NLGN4X: variants seen among roughly 807,000 people sequenced by gnomAD.
The protein encoded by NLGN4X is neuroligin 4 X-linked.
Under a neutral mutation model 40.3 loss-of-function variants are expected in NLGN4X, and 3 were observed. The ratio of observed to expected loss-of-function variants is 0.07; its 90% CI spans 0.03 to 0.19. The LOEUF is 0.19. Ranked by LOEUF, NLGN4X falls within the 10% of genes least tolerant of loss-of-function variation. The probability of loss-of-function intolerance (pLI) is 1.00; values close to 1 mark genes in which losing one functional copy is unlikely to be tolerated. For missense variants in NLGN4X, 382 were observed against 708.3 expected (o/e 0.54, Z 5.23); for synonymous variants, 270 against 306.8 (o/e 0.88, Z 1.25).
chrX:6,082,917 G>C (rs1427691165), intron 2 of NLGN4X, among the ~76,000 whole-genome samples: 1 of 106,876 alleles, frequency 9.4e-6, no homozygotes, highest in African/African-American at 3.4e-5. Flanking sequence ...GGTTTTCCCA[G>C]GTGGTAAAAA....
chrX:6,103,634 G>C (rs1362533870), intron 2 of NLGN4X, among the ~76,000 whole-genome samples: 1 of 111,544 alleles, frequency 9.0e-6, no homozygotes, highest in Non-Finnish European at 1.9e-5. Context: ...ACCATCATTT[G>C]GATATTCTAC....
intron 2 of NLGN4X, among the ~76,000 whole-genome samples, chrX:6,033,057 C>T (rs1033598526): frequency 5.4e-5 from 6 of 110,396 alleles, no homozygotes; most frequent in Middle Eastern, 4.7e-3. Flanking sequence ...AAAATGCTAA[C>T]GTGAGTTGTT....
intron 2 of NLGN4X, among the ~76,000 whole-genome samples, chrX:6,098,026 G>A (rs1219031982): frequency 1.8e-5 from 2 of 112,836 alleles, no homozygotes; most frequent in African/African-American, 6.4e-5. Flanking sequence ...GCGATGGCTC[G>A]CACCTGGAAT....
At chrX:6,114,267 A>G (rs1311764963) in intron 2 of NLGN4X, among the ~76,000 whole-genome samples, 2 of 112,005 alleles carry the variant, frequency 1.8e-5, no homozygotes, top group African/African-American at 6.5e-5. Context: ...GAAAAGACTT[A>G]GTAGGATATT....
At chrX:6,222,434 A>C (rs1925795638) in intron 1 of NLGN4X, among the ~76,000 whole-genome samples, 2 of 111,980 alleles carry the variant, frequency 1.8e-5, no homozygotes, top group Non-Finnish European at 1.9e-5. Flanking sequence ...TGATTTCTTT[A>C]TATAATATAC....
At chrX:6,190,255 C>G (rs1479455129) in intron 1 of NLGN4X, among the ~76,000 whole-genome samples, 1 of 111,439 alleles carries the variant, frequency 9.0e-6, no homozygotes, top group Non-Finnish European at 1.9e-5. Context: ...ATGACCTTGA[C>G]AATCTTCTAG....
intron 2 of NLGN4X, among the ~76,000 whole-genome samples, chrX:6,074,453 G>A (rs1048109778): frequency 9.0e-6 from 1 of 111,404 alleles, no homozygotes; most frequent in African/African-American, 3.3e-5. Context: ...ATAGGGGATC[G>A]TTTGTATTGT....
chrX:5,937,347 C>A (rs1215534430), intron 3 of NLGN4X, among the ~76,000 whole-genome samples: 1 of 111,187 alleles, frequency 9.0e-6, no homozygotes, highest in African/African-American at 3.3e-5. Context: ...AAGTGCCTAA[C>A]CTTGAGTGGA....
rs1305029361 is a variant in NLGN4X, at chrX:5,930,858, C to T, written c.626-21619G>A. ...AATTGGCTCCAAATATATGTATCAC[C>T]CTTTCAATTGCTCTAGCTCATCCTT... On this transcript the variant is annotated intron_variant, in intron 3 of 5. Transcript: ENST00000381095. Among the ~76,000 whole-genome samples the T allele has an allele frequency of 2.7e-5, 3 of 111,762 alleles. No homozygotes were observed. The East Asian group carries it at 8.5e-4, about 32-fold the overall frequency.
At chrX:6,020,417 CAG>C (rs1336829143) in intron 3 of NLGN4X, among the ~76,000 whole-genome samples, 1 of 111,831 alleles carries the variant, frequency 8.9e-6, no homozygotes, top group Non-Finnish European at 1.9e-5. Context: ...CTTACAGAAG[CAG>C]AGAGTAGAAT....
chrX:5,966,050 C>A (rs2034823443), intron 3 of NLGN4X, among the ~76,000 whole-genome samples: 1 of 111,723 alleles, frequency 9.0e-6, no homozygotes, highest in South Asian at 3.8e-4. Context: ...AGTCACACAT[C>A]GGGGTCCTTG....
intron 2 of NLGN4X, among the ~76,000 whole-genome samples, chrX:6,053,435 G>A (rs1444281055): frequency 1.8e-5 from 2 of 110,874 alleles, no homozygotes; most frequent in Non-Finnish European, 3.8e-5. Context: ...GGGCATCACA[G>A]AGCTGCAGCA....
intron 3 of NLGN4X, among the ~76,000 whole-genome samples, chrX:5,952,613 A>G (rs910945887): frequency 3.6e-5 from 4 of 111,541 alleles, no homozygotes; most frequent in African/African-American, 1.3e-4. Flanking sequence ...GTACTAATGT[A>G]TATCAAAGTT....
At chrX:5,909,017 G>A (rs778964162) in intron 4 of NLGN4X, 37 bp downstream of exon 4, 2 of 1,200,012 alleles carry the variant, frequency 1.7e-6, no homozygotes, top group Non-Finnish European at 1.1e-6. Flanking sequence ...CTTGGTTCAG[G>A]GTATTTGCCC....
chrX:6,059,227 T>C (rs928750700), intron 2 of NLGN4X, among the ~76,000 whole-genome samples: 1 of 111,731 alleles, frequency 9.0e-6, no homozygotes, highest in African/African-American at 3.3e-5. Flanking sequence ...CAAGTGTGTC[T>C]ACATGTCAGT....
chrX:6,049,843 TATC>T (rs1188616184), intron 2 of NLGN4X, among the ~76,000 whole-genome samples: 1 of 111,450 alleles, frequency 9.0e-6, no homozygotes, highest in East Asian at 2.8e-4. Context: ...CAGGGTATGT[TATC>T]ATCATTGTGA....
rs2031245634 is a variant in NLGN4X at position 5,892,743 on chromosome X, C to T, written c.*74G>A. ...GAGACTTTCTTTCTCTCTCTCTTTC[C>T]TTCTCTCTTTCCTTCCCTCTTCTAT... is the stretch of plus-strand genomic sequence containing the variant. On this transcript the variant is annotated 3_prime_UTR_variant, in exon 6 of 6. Transcript: ENST00000381095. 2.6e-6 allele frequency: 3 copies of T among 1,167,572 alleles called. No homozygotes were observed. In the East Asian group the frequency reaches 9.0e-5, roughly 35 times the overall value.
chrX:5,940,209 G>C (rs955614437), intron 3 of NLGN4X, among the ~76,000 whole-genome samples: 29 of 110,888 alleles, frequency 2.6e-4, no homozygotes, highest in African/African-American at 8.2e-4. Context: ...TTGAAATAAA[G>C]CCATTATTTT....
intron 1 of NLGN4X, among the ~76,000 whole-genome samples, chrX:6,217,112 G>A (rs914691125): frequency 8.9e-6 from 1 of 112,085 alleles, no homozygotes; most frequent in Non-Finnish European, 1.9e-5. Context: ...TACTGCTACA[G>A]CATTACAGGT....
Sources: allele counts gnomAD v4.1 joint callset (sites outside exome capture counted in the v4.1 genomes callset), GRCh38; gene constraint gnomAD v4.1.1; transcripts MANE v1.5; gene names NCBI Gene and HGNC (gene_info 2026-07-23, HGNC 2026-07-21).